The following UBE2K variants were observed in gnomAD, a reference collection of about 807,000 sequenced individuals.
UBE2K encodes the protein ubiquitin-conjugating enzyme E2 K.
UBE2K carries 6 observed loss-of-function variants against 30.0 expected under a neutral mutation model. The ratio of observed to expected loss-of-function variants is 0.20; its 90% confidence interval spans 0.11 to 0.39. The LOEUF is 0.39. UBE2K is among the 10% of genes least tolerant of loss of function. The probability of loss-of-function intolerance (pLI) is 1.00; values close to 1 mark genes in which losing one functional copy is unlikely to be tolerated. For synonymous variants in UBE2K, 86 were observed against 83.7 expected (o/e 1.03, Z -0.15); for missense variants, 61 against 241.6 (o/e 0.25, Z 4.96).
At chr4:39,777,630 A>G in intron 5 of UBE2K, 52 bp from the exon 6 acceptor site, 1 of 1,452,978 alleles carries the variant, frequency 6.9e-7, no homozygotes, top group Non-Finnish European at 9.1e-7. Context: ...GCTGAAATAT[A>G]TCAAATATTA....
chr4:39,761,219 C>G (rs1297716585), intron 4 of UBE2K: 1 of 152,226 alleles, frequency 6.6e-6, no homozygotes, highest in Non-Finnish European at 1.5e-5. Context: ...GTCAAAACTC[C>G]TGTGCTAGTC....
intron 3 of UBE2K, among the ~76,000 whole-genome samples, chr4:39,748,649 C>T (rs1303624074): frequency 2.0e-5 from 3 of 151,728 alleles, no homozygotes; most frequent in Non-Finnish European, 4.4e-5. Flanking sequence ...AAAGAAAAGC[C>T]TCTACATCTC....
intron 5 of UBE2K, among the ~76,000 whole-genome samples, chr4:39,775,495 A>G (rs1713231994): frequency 6.6e-6 from 1 of 152,218 alleles, no homozygotes; most frequent in African/African-American, 2.4e-5. Context: ...CATGCATGTA[A>G]TCCCAGCACT....
At chr4:39,770,677 C>T in intron 4 of UBE2K, 1 of 1,579,210 alleles carries the variant, frequency 6.3e-7, no homozygotes, top group Non-Finnish European at 8.6e-7. Context: ...GGTGGGGCCA[C>T]AGTGCTGGGG....
chr4:39,756,509 G>A (rs774741454), intron 4 of UBE2K, among the ~76,000 whole-genome samples: 1 of 151,970 alleles, frequency 6.6e-6, no homozygotes, highest in Non-Finnish European at 1.5e-5. Context: ...CTGGAGTGCA[G>A]TGGCGCAATC....
intron 1 of UBE2K, among the ~76,000 whole-genome samples, chr4:39,727,951 G>A (rs1035176949): frequency 3.3e-5 from 5 of 152,000 alleles, no homozygotes; most frequent in African/African-American, 1.2e-4. Context: ...CCAATGTGGT[G>A]AAACCCTGTG....
At chr4:39,724,100 A>T (rs890367016) in intron 1 of UBE2K, among the ~76,000 whole-genome samples, 4 of 149,124 alleles carry the variant, frequency 2.7e-5, no homozygotes, top group Non-Finnish European at 5.9e-5. Context: ...GGCATGAGCC[A>T]CCATGCCCAG....
chr4:39,762,184 AAATAATAAT>A (rs138206643), intron 4 of UBE2K, among the ~76,000 whole-genome samples: 2 of 143,874 alleles, frequency 1.4e-5, no homozygotes, highest in South Asian at 2.2e-4. Context: ...CATCTCAGTA[AAATAATAAT>A]AATAATAATA....
chr4:39,742,058 C>A (rs747002908), intron 2 of UBE2K, among the ~76,000 whole-genome samples: 1 of 152,032 alleles, frequency 6.6e-6, no homozygotes, highest in Non-Finnish European at 1.5e-5. Flanking sequence ...TTTAGAGACT[C>A]TCGAGTCCAG....
chr4:39,769,368 C>T (rs1351053931), intron 4 of UBE2K, among the ~76,000 whole-genome samples: 2 of 151,482 alleles, frequency 1.3e-5, no homozygotes, highest in Non-Finnish European at 2.9e-5. Flanking sequence ...CCCAACAGCC[C>T]TTCTTGTGTT....
chr4:39,714,788 A>G (rs1461595006), intron 1 of UBE2K, among the ~76,000 whole-genome samples: 1 of 150,786 alleles, frequency 6.6e-6, no homozygotes, highest in Admixed American at 6.6e-5. Flanking sequence ...TGACCTCGTG[A>G]TGTGCCCACC....
intron 4 of UBE2K, among the ~76,000 whole-genome samples, chr4:39,769,553 A>T (rs1398820681): frequency 6.6e-6 from 1 of 151,800 alleles, no homozygotes; most frequent in Non-Finnish European, 1.5e-5. Context: ...TTTCGCCAGC[A>T]TGCAAGAACT....
At chr4:39,719,239 G>C (rs532034426) in intron 1 of UBE2K, among the ~76,000 whole-genome samples, 1 of 151,980 alleles carries the variant, frequency 6.6e-6, no homozygotes, top group Non-Finnish European at 1.5e-5. Flanking sequence ...TTTACCTTTC[G>C]AAACCTACTT....
intron 5 of UBE2K, among the ~76,000 whole-genome samples, chr4:39,775,735 G>T (rs1178003423): frequency 6.6e-6 from 1 of 152,186 alleles, no homozygotes; most frequent in East Asian, 1.9e-4. Flanking sequence ...CTGGGTGACA[G>T]AACGGGACCC....
At chr4:39,728,973 CTTT>C (rs76762722) in intron 1 of UBE2K, among the ~76,000 whole-genome samples, 1 of 137,524 alleles carries the variant, frequency 7.3e-6, no homozygotes, top group Non-Finnish European at 1.6e-5. Flanking sequence ...AGCCCCCCAC[CTTT>C]TTTTTTTTTT....
Position 39,743,439 on chromosome 4 carries a change from T to C in UBE2K, c.158-2313T>C, listed in dbSNP as rs1445294009. Among the ~76,000 whole-genome samples, 3 of 152,074 alleles carry C rather than the reference T, an allele frequency of 2.0e-5. No homozygotes were observed. The East Asian group carries it at 5.8e-4, about 29-fold the overall frequency. On this transcript the variant is annotated intron_variant, in intron 2 of 6. Coordinates refer to ENST00000261427, the MANE Select transcript of UBE2K (RefSeq NM_005339.5). ...TAACACGGTGAAACCCTGTCTCTAC[T>C]AAAAATACAAAAAAATTAGTCGGGC...
At chr4:39,714,831 A>G (rs564380477) in intron 1 of UBE2K, among the ~76,000 whole-genome samples, 30 of 148,986 alleles carry the variant, frequency 2.0e-4, no homozygotes, top group African/African-American at 4.7e-4. Flanking sequence ...TTACAGGCGT[A>G]AGCCACCGTG....
At chr4:39,777,646 G>C (rs2109418521) in intron 5 of UBE2K, 36 bp from the exon 6 acceptor site, 1 of 1,507,504 alleles carries the variant, frequency 6.6e-7, no homozygotes. Flanking sequence ...TATTATAACT[G>C]TAATGTCATG....
intron 2 of UBE2K, among the ~76,000 whole-genome samples, chr4:39,739,005 A>AT (rs1487966169): frequency 1.4e-5 from 2 of 147,454 alleles, no homozygotes; most frequent in Non-Finnish European, 3.0e-5. Context: ...TGGTTCTATA[A>AT]TTCTGTAATG....
Sources: gnomAD v4.1 joint callset for allele counts (sites outside exome capture counted in the v4.1 genomes callset) on GRCh38, gnomAD v4.1.1 for gene constraint, MANE v1.5 for transcripts, NCBI Gene and HGNC (gene_info 2026-07-23, HGNC 2026-07-21) for gene names.